The following RABGAP1 variants were observed in gnomAD, a reference collection of about 807,000 sequenced individuals.
RABGAP1 encodes rab GTPase-activating protein 1.
Under a neutral mutation model 137.6 loss-of-function variants are expected in RABGAP1, and 23 were observed. The ratio of observed to expected loss-of-function variants is 0.17; its 90% CI spans 0.12 to 0.24. The LOEUF (loss-of-function observed/expected upper bound fraction) is 0.24. RABGAP1 is among the 10% of genes least tolerant of loss of function. The probability of loss-of-function intolerance (pLI) is 1.00; values close to 1 mark genes in which losing one functional copy is unlikely to be tolerated. For missense variants in RABGAP1, 906 were observed against 1,275.8 expected (o/e 0.71, Z 4.42); for synonymous variants, 451 against 450.7 (o/e 1.00, Z -0.01).
At chr9:123,083,754 G>C (rs552898904) in intron 19 of RABGAP1, among the ~76,000 whole-genome samples, 1 of 152,200 alleles carries the variant, frequency 6.6e-6, no homozygotes, top group Non-Finnish European at 1.5e-5. Flanking sequence ...CGCCTCTGCT[G>C]TGTGACCCCA....
rs139950246 is a variant in RABGAP1 at position 123,035,522 on chromosome 9, C to T, written c.1794+15063C>T. ...TTCCAAAGAGGACTAAAGCGCCTCTCAGGGGCTATGTGTACTTCTTGTGCA... is the reference window on the plus strand; with the variant it reads ...TTCCAAAGAGGACTAAAGCGCCTCTTAGGGGCTATGTGTACTTCTTGTGCA... On this transcript the variant is annotated intron_variant, in intron 13 of 25. Coordinates refer to ENST00000373647, the MANE Select transcript of RABGAP1 (RefSeq NM_012197.4). The T allele has an allele frequency of 8.2e-5, 133 of 1,613,778 alleles. No individual in the cohort carries two copies. The highest frequency in any genetic ancestry group is 1.1e-4 in the Non-Finnish European group (131 of 1,179,798).
chr9:123,012,820 T>C (rs1033242478), intron 11 of RABGAP1, among the ~76,000 whole-genome samples: 1 of 152,226 alleles, frequency 6.6e-6, no homozygotes, highest in Admixed American at 6.5e-5. Context: ...ACAGGAGAAC[T>C]GGGACTAAAG....
chr9:123,059,070 G>C (rs572645127), intron 13 of RABGAP1, among the ~76,000 whole-genome samples: 1 of 152,206 alleles, frequency 6.6e-6, no homozygotes, highest in Non-Finnish European at 1.5e-5. Flanking sequence ...GTATGAAGGA[G>C]AAGGCATGGA....
At chr9:122,966,550 A>G (rs1268840291) in intron 2 of RABGAP1, among the ~76,000 whole-genome samples, 1 of 152,076 alleles carries the variant, frequency 6.6e-6, no homozygotes, top group Non-Finnish European at 1.5e-5. Flanking sequence ...AAATAAAGCT[A>G]TAGAATTAGA....
intron 13 of RABGAP1, among the ~76,000 whole-genome samples, chr9:123,055,339 TG>T (rs2033647813): frequency 6.6e-6 from 1 of 152,076 alleles, no homozygotes; most frequent in Admixed American, 6.5e-5. Context: ...CTACAAGTGC[TG>T]CCATGCCTAG....
chr9:123,037,884 T>C (rs1250622055), intron 13 of RABGAP1, among the ~76,000 whole-genome samples: 1 of 152,140 alleles, frequency 6.6e-6, no homozygotes, highest in Non-Finnish European at 1.5e-5. Flanking sequence ...ACATTTAGTT[T>C]AAATACCAGT....
At position 123,077,706 on chromosome 9, in the gene RABGAP1, G is replaced by T. The variant is rs1435710260; in HGVS notation, c.2424+944G>T. On this transcript the variant is annotated intron_variant, in intron 19 of 25. Transcript: ENST00000373647. ...ATTGTATTGTATTTATTTTCTGTGGGGCTTTTTTTGAGACAGGGTCTCACT... is the reference window on the plus strand; with the variant it reads ...ATTGTATTGTATTTATTTTCTGTGGTGCTTTTTTTGAGACAGGGTCTCACT... 2.2e-5 allele frequency among the ~76,000 whole-genome samples: 3 copies of T among 135,548 alleles called. No individual in the cohort carries two copies. The East Asian group carries it at 6.1e-4, about 27-fold the overall frequency. 88.9% of individuals were successfully genotyped at this position (135,548 alleles called of 152,430 possible).
chr9:123,037,272 T>A (rs1327448918), intron 13 of RABGAP1, among the ~76,000 whole-genome samples: 1 of 152,246 alleles, frequency 6.6e-6, no homozygotes, highest in East Asian at 1.9e-4. Flanking sequence ...AGACATCAAC[T>A]TGATTTTAAC....
At chr9:122,975,623 C>G (rs1186256483) in intron 2 of RABGAP1, among the ~76,000 whole-genome samples, 1 of 152,088 alleles carries the variant, frequency 6.6e-6, no homozygotes, top group Non-Finnish European at 1.5e-5. Context: ...GTTTTCAAAC[C>G]TCAACTCTAA....
chr9:123,087,531 C>A (rs759088797), intron 19 of RABGAP1, among the ~76,000 whole-genome samples: 13 of 152,314 alleles, frequency 8.5e-5, no homozygotes, highest in Middle Eastern at 6.8e-3. Context: ...TACTTAGGTG[C>A]TTTCTTTGTG....
intron 2 of RABGAP1, among the ~76,000 whole-genome samples, chr9:122,983,202 C>G (rs868120546): frequency 6.0e-5 from 9 of 151,250 alleles, no homozygotes; most frequent in African/African-American, 2.2e-4. Context: ...TAAAGCAGAA[C>G]TTCTAAAAAA....
chr9:122,955,048 A>C (rs2131615728), intron 1 of RABGAP1, among the ~76,000 whole-genome samples: 1 of 152,308 alleles, frequency 6.6e-6, no homozygotes, highest in South Asian at 2.1e-4. Flanking sequence ...AGAACGGGCA[A>C]GTGGACTGAG....
intron 13 of RABGAP1, among the ~76,000 whole-genome samples, chr9:123,039,658 C>T (rs1021733979): frequency 6.6e-6 from 1 of 152,240 alleles, no homozygotes; most frequent in Admixed American, 6.5e-5. Flanking sequence ...TCTGGAAACT[C>T]TGTAGCTTCG....
intron 6 of RABGAP1, among the ~76,000 whole-genome samples, chr9:122,993,708 C>T (rs1201043778): frequency 6.6e-6 from 1 of 152,162 alleles, no homozygotes; most frequent in Non-Finnish European, 1.5e-5. Flanking sequence ...CTGTCACCCA[C>T]GCTGGCGTAC....
chr9:122,968,169 A>G (rs1330547875), intron 2 of RABGAP1, among the ~76,000 whole-genome samples: 5 of 151,022 alleles, frequency 3.3e-5, no homozygotes, highest in African/African-American at 9.7e-5. Context: ...TAAATAGGGT[A>G]TCCATTACCT....
intron 2 of RABGAP1, among the ~76,000 whole-genome samples, chr9:122,970,339 C>T (rs1835404184): frequency 6.6e-6 from 1 of 152,150 alleles, no homozygotes; most frequent in Non-Finnish European, 1.5e-5. Context: ...GAGGCTGATG[C>T]AGGAGGATTG....
intron 2 of RABGAP1, among the ~76,000 whole-genome samples, chr9:122,976,943 T>C (rs186129012): frequency 7.8e-4 from 118 of 152,196 alleles, no homozygotes; most frequent in Non-Finnish European, 2.5e-4. Context: ...AAGGAAACAC[T>C]CTATACAAAG....
chr9:123,051,711 A>G (rs762817492), intron 13 of RABGAP1, among the ~76,000 whole-genome samples: 3 of 151,832 alleles, frequency 2.0e-5, no homozygotes, highest in Non-Finnish European at 2.9e-5. Context: ...TGTCATACCA[A>G]TTTTAGTTAT....
chr9:123,093,483 A>C (rs1431919792), intron 21 of RABGAP1, among the ~76,000 whole-genome samples: 3 of 152,214 alleles, frequency 2.0e-5, no homozygotes, highest in African/African-American at 7.2e-5. Flanking sequence ...GAGTGAAGGA[A>C]ACTTGCTGGT....
Sources: allele counts gnomAD v4.1 joint callset (sites outside exome capture counted in the v4.1 genomes callset), GRCh38; gene constraint gnomAD v4.1.1; transcripts MANE v1.5; gene names NCBI Gene and HGNC (gene_info 2026-07-23, HGNC 2026-07-21).